The following DLG2 variants were observed in gnomAD, a reference collection of about 807,000 sequenced individuals.
DLG2 encodes disks large homolog 2.
A neutral mutation model predicts 132.5 loss-of-function variants in DLG2; 45 were observed. The ratio of observed to expected loss-of-function variants is 0.34; its 90% CI spans 0.27 to 0.44. DLG2 has a LOEUF of 0.44. DLG2 is among the 20% of genes least tolerant of loss of function. The pLI is 1.00. For missense variants in DLG2, 1,045 were observed against 1,196.9 expected, an observed-to-expected ratio of 0.87 and a Z score of 1.87; for synonymous variants, 424 against 419.6, an observed-to-expected ratio of 1.01 and a Z score of -0.13.
chr11:84,682,870 G>T (rs1292176661), intron 6 of DLG2, among the ~76,000 whole-genome samples: 1 of 152,140 alleles, frequency 6.6e-6, no homozygotes, highest in African/African-American at 2.4e-5. Flanking sequence ...TGAGAAGAGG[G>T]TATGGGCTTC....
intron 6 of DLG2, among the ~76,000 whole-genome samples, chr11:85,012,297 C>T (rs1438026145): frequency 1.4e-5 from 1 of 73,038 alleles, no homozygotes; most frequent in Non-Finnish European, 2.4e-5. Context: ...GAAGCTAAGG[C>T]GGGTGGATCA....
chr11:85,365,533 C>G (rs2084479295), intron 3 of DLG2, among the ~76,000 whole-genome samples: 1 of 152,174 alleles, frequency 6.6e-6, no homozygotes, highest in Non-Finnish European at 1.5e-5. Context: ...GGTGATTCCT[C>G]AGGTATCTAG....
At chr11:85,598,623 C>A (rs1166496078) in intron 3 of DLG2, 34 bp downstream of exon 3, 1 of 1,494,008 alleles carries the variant, frequency 6.7e-7, no homozygotes, top group Non-Finnish European at 8.9e-7. Context: ...CAATTCTGAC[C>A]ATTAAAATGA....
intron 3 of DLG2, among the ~76,000 whole-genome samples, chr11:85,432,430 A>G (rs2091245595): frequency 6.6e-6 from 1 of 152,164 alleles, no homozygotes. Context: ...AGAAGCTAAG[A>G]ACCTTGATAA....
At chr11:85,152,673 G>A (rs1224279952) in intron 5 of DLG2, among the ~76,000 whole-genome samples, 3 of 152,182 alleles carry the variant, frequency 2.0e-5, no homozygotes, top group Non-Finnish European at 4.4e-5. Context: ...TAAGTGACTT[G>A]CCCAAGAACA....
intron 3 of DLG2, among the ~76,000 whole-genome samples, chr11:85,569,242 G>A (rs2077711317): frequency 6.6e-6 from 1 of 152,114 alleles, no homozygotes; most frequent in Non-Finnish European, 1.5e-5. Flanking sequence ...ATGTTGGCCA[G>A]GCTGGCCTCA....
At chr11:84,564,775 C>G (rs777376404) in intron 6 of DLG2, among the ~76,000 whole-genome samples, 45 of 152,174 alleles carry the variant, frequency 3.0e-4, no homozygotes, top group Non-Finnish European at 5.1e-4. Flanking sequence ...ATGTGAGTGC[C>G]TGGCTGCTGC....
At chr11:83,725,702 C>T (rs1000608556) in intron 18 of DLG2, among the ~76,000 whole-genome samples, 7 of 152,168 alleles carry the variant, frequency 4.6e-5, no homozygotes, top group Non-Finnish European at 7.4e-5. Context: ...GAAACCAGGA[C>T]GATTTAGATT....
chr11:85,172,058 C>T (rs747816629), intron 4 of DLG2, among the ~76,000 whole-genome samples: 28 of 152,212 alleles, frequency 1.8e-4, no homozygotes, highest in African/African-American at 6.3e-4. Context: ...GCATTCTGGA[C>T]GAGGGGGGGT....
intron 22 of DLG2, 45 bp from the exon 23 acceptor site, chr11:83,472,822 T>C: frequency 6.6e-7 from 1 of 1,525,288 alleles, no homozygotes; most frequent in Non-Finnish European, 9.1e-7. Flanking sequence ...AACAGTCATA[T>C]ATTACAGAGA....
At chr11:85,452,624 G>A (rs2092286809) in intron 3 of DLG2, 1 of 201,034 alleles carries the variant, frequency 5.0e-6, no homozygotes, top group South Asian at 1.1e-4. Flanking sequence ...TTGGGAGGAT[G>A]TGGACCATCT....
At chr11:83,832,480 T>TA (rs2054833881) in intron 17 of DLG2, among the ~76,000 whole-genome samples, 4 of 152,206 alleles carry the variant, frequency 2.6e-5, no homozygotes, top group Admixed American at 2.6e-4. Flanking sequence ...TGGAGGCTAT[T>TA]ATCCTAAGCA....
intron 7 of DLG2, among the ~76,000 whole-genome samples, chr11:84,407,346 A>T (rs1457837502): frequency 6.6e-6 from 1 of 151,836 alleles, no homozygotes; most frequent in Non-Finnish European, 1.5e-5. Flanking sequence ...TGAGCATTAC[A>T]TGCTCCTGGG....
chr11:85,191,810 C>A (rs993403841), intron 4 of DLG2, among the ~76,000 whole-genome samples: 6 of 152,124 alleles, frequency 3.9e-5, no homozygotes, highest in African/African-American at 1.4e-4. Context: ...TTGAATACTT[C>A]TTATAAGTCT....
chr11:84,438,785 C>T (rs1182137043), intron 7 of DLG2, among the ~76,000 whole-genome samples: 1 of 152,184 alleles, frequency 6.6e-6, no homozygotes, highest in Non-Finnish European at 1.5e-5. Context: ...GCAAGGAAAG[C>T]CTGCCTTCCA....
At chr11:85,243,243 C>T (rs1328219362) in intron 4 of DLG2, among the ~76,000 whole-genome samples, 1 of 151,832 alleles carries the variant, frequency 6.6e-6, no homozygotes, top group African/African-American at 2.4e-5. Context: ...GAAGCTTATG[C>T]TAATTTTGCA....
rs369651884 is a variant in DLG2, at chr11:84,251,637, C to CTTTTTTTT, written c.520-347_520-346insAAAAAAAA. 6.1e-4 allele frequency among the ~76,000 whole-genome samples: 79 copies of CTTTTTTTT among 130,004 alleles called. 9 individuals carry two copies. Among genetic ancestry groups the CTTTTTTTT allele is most frequent in the African/African-American group, 9.0e-4 (31 of 34,598 alleles). 85.3% of individuals were successfully genotyped at this position (130,004 alleles called of 152,430 possible). On this transcript the variant is annotated intron_variant, in intron 7 of 27. Transcript: ENST00000376104. ...GTAAGAGTTAAAACTTGTATCTTTT[C>CTTTTTTTT]TTTCTTTTTTTTTTTTTTTTGTGAG...
intron 8 of DLG2, among the ~76,000 whole-genome samples, chr11:84,221,785 C>T (rs575507249): frequency 9.2e-5 from 14 of 152,128 alleles, no homozygotes; most frequent in South Asian, 2.1e-4. Flanking sequence ...ACTACTGCCA[C>T]GTTTGTCTCA....
intron 6 of DLG2, among the ~76,000 whole-genome samples, chr11:84,681,118 C>A (rs556372049): frequency 5.9e-5 from 9 of 152,256 alleles, no homozygotes; most frequent in African/African-American, 2.2e-4. Flanking sequence ...CACACAGTTG[C>A]TAAACCTCTA....
Sources: gnomAD v4.1 joint callset for allele counts (sites outside exome capture counted in the v4.1 genomes callset) on GRCh38, gnomAD v4.1.1 for gene constraint, MANE v1.5 for transcripts, NCBI Gene and HGNC (gene_info 2026-07-23, HGNC 2026-07-21) for gene names.